The following RBFOX1 variants were observed in gnomAD, a reference collection of about 807,000 sequenced individuals.
RBFOX1 encodes the protein RNA binding protein fox-1 homolog 1.
A neutral mutation model predicts 57.7 loss-of-function variants in RBFOX1; 8 were observed. That is an observed-to-expected ratio of 0.14 (90% CI 0.08 to 0.25). The LOEUF (loss-of-function observed/expected upper bound fraction) is 0.25. RBFOX1 is among the 10% of genes least tolerant of loss of function. RBFOX1 has a pLI of 1.00. For synonymous variants in RBFOX1, 326 were observed against 222.4 expected (o/e 1.47, Z -4.15); for missense variants, 611 against 548.5 (o/e 1.11, Z -1.14).
intron 1 of RBFOX1, among the ~76,000 whole-genome samples, chr16:5,381,159 C>T (rs925648710): frequency 3.9e-5 from 6 of 152,112 alleles, no homozygotes; most frequent in Admixed American, 3.9e-4. Context: ...AGTATGGGGT[C>T]CTGGCTCTTT....
At chr16:6,574,029 A>C (rs987714215) in intron 2 of RBFOX1, 1 of 152,308 alleles carries the variant, frequency 6.6e-6, no homozygotes, top group Non-Finnish European at 1.5e-5. Context: ...TGTCACCCAG[A>C]CAATTTTTCT....
intron 3 of RBFOX1, among the ~76,000 whole-genome samples, chr16:6,868,373 G>C (rs76673594): frequency 0.034 from 5,186 of 152,240 alleles, 270 homozygotes; most frequent in East Asian, 0.2. Context: ...TATGGATCTA[G>C]AGAAATTTCT....
chr16:6,057,404 A>G (rs1353891971), intron 1 of RBFOX1, among the ~76,000 whole-genome samples: 1 of 152,086 alleles, frequency 6.6e-6, no homozygotes, highest in Non-Finnish European at 1.5e-5. Flanking sequence ...GACTAAATTT[A>G]ATAAGATGCA....
At chr16:5,306,545 T>A (rs1393310095) in intron 1 of RBFOX1, among the ~76,000 whole-genome samples, 2 of 152,152 alleles carry the variant, frequency 1.3e-5, no homozygotes, top group African/African-American at 4.8e-5. Flanking sequence ...TGACCTCAAG[T>A]GACCCACCTG....
At chr16:6,670,219 A>G (rs1603297060) in intron 3 of RBFOX1, among the ~76,000 whole-genome samples, 1 of 150,776 alleles carries the variant, frequency 6.6e-6, no homozygotes, top group African/African-American at 2.4e-5. Flanking sequence ...GTGCACCGTT[A>G]TGCCTGGCTA....
chr16:7,360,433 G>C (rs1021986744), intron 4 of RBFOX1, among the ~76,000 whole-genome samples: 2 of 152,150 alleles, frequency 1.3e-5, no homozygotes, highest in Non-Finnish European at 2.9e-5. Flanking sequence ...GTGTGCACGT[G>C]TGTGAATATT....
At chr16:7,673,533 C>T (rs1038783245) in intron 13 of RBFOX1, among the ~76,000 whole-genome samples, 1 of 152,202 alleles carries the variant, frequency 6.6e-6, no homozygotes, top group East Asian at 1.9e-4. Context: ...ATAGTGAGAC[C>T]CCATCTCTAG....
chr16:5,913,575 A>T (rs1311826575), intron 4 of RBFOX1, among the ~76,000 whole-genome samples: 1 of 152,198 alleles, frequency 6.6e-6, no homozygotes, highest in Non-Finnish European at 1.5e-5. Context: ...CTGGAAGCTG[A>T]GCAGATGCTG....
chr16:7,692,927 T>G (rs1193902976), intron 14 of RBFOX1, among the ~76,000 whole-genome samples: 1 of 152,146 alleles, frequency 6.6e-6, no homozygotes. Flanking sequence ...TTTTATAATT[T>G]TTCTAGCTAG....
intron 9 of RBFOX1, among the ~76,000 whole-genome samples, chr16:7,600,683 C>G (rs769710838): frequency 6.6e-6 from 1 of 152,222 alleles, no homozygotes; most frequent in Non-Finnish European, 1.5e-5. Flanking sequence ...ATATAGTTAT[C>G]AATGCCAGCA....
chr16:5,295,198 A>G (rs1386468744), intron 1 of RBFOX1, among the ~76,000 whole-genome samples: 2 of 152,028 alleles, frequency 1.3e-5, no homozygotes, highest in Non-Finnish European at 2.9e-5. Context: ...AACAAACATC[A>G]CAGCATCACA....
At chr16:6,911,249 C>G (rs1167112175) in intron 3 of RBFOX1, among the ~76,000 whole-genome samples, 1 of 150,064 alleles carries the variant, frequency 6.7e-6, no homozygotes, top group Non-Finnish European at 1.5e-5. Flanking sequence ...TTGGGTAGTG[C>G]GTTAGTTTCC....
chr16:6,363,178 A>G (rs1224921338), intron 2 of RBFOX1, among the ~76,000 whole-genome samples: 3 of 152,236 alleles, frequency 2.0e-5, no homozygotes, highest in African/African-American at 7.2e-5. Context: ...TTTATATTGA[A>G]AATATAGAAA....
chr16:5,418,722 T>C (rs750117044), intron 1 of RBFOX1, among the ~76,000 whole-genome samples: 40 of 152,158 alleles, frequency 2.6e-4, no homozygotes, highest in Non-Finnish European at 5.0e-4. Flanking sequence ...CCAATGTTCC[T>C]TCATCCTTTA....
intron 3 of RBFOX1, among the ~76,000 whole-genome samples, chr16:6,911,343 C>T (rs1379194258): frequency 6.6e-6 from 1 of 152,046 alleles, no homozygotes; most frequent in Non-Finnish European, 1.5e-5. Context: ...GGCCAGAAGT[C>T]CAAGATCAAG....
downstream of RBFOX1, among the ~76,000 whole-genome samples, chr16:5,602,267 T>C (rs2047391020): frequency 1.3e-5 from 2 of 152,248 alleles, no homozygotes; most frequent in South Asian, 4.1e-4. Context: ...ATGTAAAATG[T>C]GTTCCATCTT....
chr16:6,497,615 G>A, intron 2 of RBFOX1, among the ~76,000 whole-genome samples: 1 of 151,330 alleles, frequency 6.6e-6, no homozygotes, highest in East Asian at 2.0e-4. Flanking sequence ...GGACTGCAGT[G>A]GCGCGATCTT....
At chr16:5,515,647 A>G (rs1466924673) in intron 2 of RBFOX1, among the ~76,000 whole-genome samples, 2 of 152,252 alleles carry the variant, frequency 1.3e-5, no homozygotes, top group Admixed American at 1.3e-4. Context: ...AGTCACTGCT[A>G]TAAATTAGAT....
chr16:5,500,113 C>T (rs1244101156), intron 2 of RBFOX1, among the ~76,000 whole-genome samples: 1 of 96,882 alleles, frequency 1.0e-5, no homozygotes, highest in Non-Finnish European at 2.0e-5. Flanking sequence ...CCTTCCCTCC[C>T]TTCCCTCCTT....
Sources: gnomAD v4.1 joint callset for allele counts (sites outside exome capture counted in the v4.1 genomes callset) on GRCh38, gnomAD v4.1.1 for gene constraint, MANE v1.5 for transcripts, NCBI Gene and HGNC (gene_info 2026-07-23, HGNC 2026-07-21) for gene names.